CNTN5: variants seen among roughly 807,000 people sequenced by gnomAD.
CNTN5 encodes the protein contactin 5.
CNTN5 carries 77 observed loss-of-function variants against 129.1 expected under a neutral mutation model. The observed-to-expected ratio is 0.60, with a 90% CI of 0.50 to 0.72. CNTN5 has a LOEUF of 0.72. Among genes scored for constraint, CNTN5 ranks in the 30% least tolerant of loss-of-function variants. CNTN5 has a pLI of 0.00. For missense variants in CNTN5, 1,478 were observed against 1,328.8 expected (o/e 1.11, Z -1.75); for synonymous variants, 509 against 465.6 (o/e 1.09, Z -1.20).
At chr11:99,621,689 T>C (rs890171808) in intron 3 of CNTN5, among the ~76,000 whole-genome samples, 2 of 152,196 alleles carry the variant, frequency 1.3e-5, no homozygotes, top group Non-Finnish European at 2.9e-5. Flanking sequence ...AATTTGTTCA[T>C]AATATTTAAG....
intron 9 of CNTN5, among the ~76,000 whole-genome samples, chr11:100,019,802 C>T (rs539435907): frequency 1.3e-4 from 19 of 151,898 alleles, no homozygotes; most frequent in Non-Finnish European, 2.8e-4. Flanking sequence ...TACATGTCCA[C>T]CACCAATTTA....
At chr11:99,477,096 T>C (rs61894086) in intron 2 of CNTN5, among the ~76,000 whole-genome samples, 1 of 151,994 alleles carries the variant, frequency 6.6e-6, no homozygotes, top group Admixed American at 6.6e-5. Context: ...GCACTATATA[T>C]TGAATTTATT....
intron 3 of CNTN5, among the ~76,000 whole-genome samples, chr11:99,787,883 G>T (rs1013241912): frequency 5.3e-5 from 8 of 151,960 alleles, no homozygotes; most frequent in Middle Eastern, 3.4e-3. Context: ...TAGCTAACCA[G>T]ACCATATACG....
chr11:99,175,388 A>G (rs970449282), intron 1 of CNTN5, among the ~76,000 whole-genome samples: 1 of 152,208 alleles, frequency 6.6e-6, no homozygotes, highest in Non-Finnish European at 1.5e-5. Flanking sequence ...AAGGTCAGAT[A>G]ATCACAATTG....
intron 3 of CNTN5, among the ~76,000 whole-genome samples, chr11:99,805,648 A>G (rs933918705): frequency 2.6e-5 from 4 of 152,202 alleles, no homozygotes; most frequent in African/African-American, 4.8e-5. Context: ...TCAATATGAT[A>G]TAATTAAACA....
chr11:99,810,731 G>C (rs940259630), intron 3 of CNTN5, among the ~76,000 whole-genome samples: 1 of 152,098 alleles, frequency 6.6e-6, no homozygotes, highest in Non-Finnish European at 1.5e-5. Flanking sequence ...AACAGTAGCA[G>C]GCCAAAATTG....
chr11:99,336,036 A>C (rs1408215214), intron 2 of CNTN5, among the ~76,000 whole-genome samples: 1 of 149,648 alleles, frequency 6.7e-6, no homozygotes, highest in Non-Finnish European at 1.5e-5. Flanking sequence ...TTATTCTTGG[A>C]TAAAAAAAAA....
chr11:99,249,304 G>A (rs1475870002), intron 1 of CNTN5, among the ~76,000 whole-genome samples: 1 of 151,976 alleles, frequency 6.6e-6, no homozygotes, highest in African/African-American at 2.4e-5. Flanking sequence ...TGTGATTTTT[G>A]CACATTGATT....
At chr11:99,864,065 A>G (rs1948289055) in intron 6 of CNTN5, among the ~76,000 whole-genome samples, 1 of 152,180 alleles carries the variant, frequency 6.6e-6, no homozygotes, top group South Asian at 2.1e-4. Context: ...TCGCTCACGG[A>G]TGTATCTCAA....
intron 1 of CNTN5, among the ~76,000 whole-genome samples, chr11:99,258,065 C>T (rs530246020): frequency 1.3e-5 from 2 of 152,022 alleles, no homozygotes; most frequent in African/African-American, 2.4e-5. Flanking sequence ...CTGAAATTCT[C>T]GCGGAGTTTT....
intron 3 of CNTN5, among the ~76,000 whole-genome samples, chr11:99,661,457 GCAAT>G (rs1952588807): frequency 2.0e-5 from 3 of 152,066 alleles, no homozygotes; most frequent in Admixed American, 6.6e-5. Flanking sequence ...TCAAGAATAA[GCAAT>G]CACTTAATAA....
At chr11:100,082,748 T>C (rs1944410797) in intron 13 of CNTN5, among the ~76,000 whole-genome samples, 1 of 152,238 alleles carries the variant, frequency 6.6e-6, no homozygotes, top group Non-Finnish European at 1.5e-5. Flanking sequence ...ATACTGGAAA[T>C]AAATGCAGCT....
chr11:99,878,432 A>G (rs992611951), intron 6 of CNTN5, among the ~76,000 whole-genome samples: 1 of 152,178 alleles, frequency 6.6e-6, no homozygotes, highest in Non-Finnish European at 1.5e-5. Context: ...TCAAATTCTG[A>G]ACAACAGTGC....
At chr11:100,349,622 G>A (rs528687940) in intron 23 of CNTN5, among the ~76,000 whole-genome samples, 3 of 151,750 alleles carry the variant, frequency 2.0e-5, no homozygotes, top group Non-Finnish European at 4.4e-5. Flanking sequence ...GCTATGTTTT[G>A]TAGGAAACTG....
At chr11:100,288,027 G>C (rs1392490979) in intron 18 of CNTN5, among the ~76,000 whole-genome samples, 1 of 151,938 alleles carries the variant, frequency 6.6e-6, no homozygotes, top group African/African-American at 2.4e-5. Flanking sequence ...TTACATAATG[G>C]TAAAGGGATC....
intron 21 of CNTN5, among the ~76,000 whole-genome samples, chr11:100,314,780 T>TA (rs1951545157): frequency 6.6e-6 from 1 of 152,088 alleles, no homozygotes. Context: ...GGCTCTCCCT[T>TA]CCCACTTCTG....
chr11:99,583,096 C>A (rs1949668841), intron 3 of CNTN5, among the ~76,000 whole-genome samples: 1 of 152,202 alleles, frequency 6.6e-6, no homozygotes, highest in South Asian at 2.1e-4. Flanking sequence ...CCACTCTAGA[C>A]CCTGTTTGCC....
At chr11:99,469,927 C>A (rs571965304) in intron 2 of CNTN5, among the ~76,000 whole-genome samples, 1 of 152,188 alleles carries the variant, frequency 6.6e-6, no homozygotes, top group African/African-American at 2.4e-5. Context: ...ATAAGAACTA[C>A]AATTTAATGA....
rs1355044896 is a variant in CNTN5, at chr11:100,341,617, T to C, written c.3030+412T>C. ...CAAGGAAACAGAAGAACAAAAAAAA[T>C]GTAAGGGCTAGAACACTAGAAAGAA... is the stretch of plus-strand genomic sequence containing the variant. On this transcript the variant is annotated intron_variant, in intron 23 of 24. Coordinates refer to ENST00000524871, the MANE Select transcript of CNTN5 (RefSeq NM_014361.4). Among the ~76,000 whole-genome samples the C allele has an allele frequency of 3.3e-5, 5 of 151,846 alleles. 1 individual carries two copies. Among genetic ancestry groups the C allele is most frequent in the South Asian group, 4.2e-4 (2 of 4,816 alleles).
Sources: gnomAD v4.1 joint callset for allele counts (sites outside exome capture counted in the v4.1 genomes callset) on GRCh38, gnomAD v4.1.1 for gene constraint, MANE v1.5 for transcripts, NCBI Gene and HGNC (gene_info 2026-07-23, HGNC 2026-07-21) for gene names.